Variants in DPP10 observed in about 807,000 individuals in gnomAD.
DPP10 encodes the protein dipeptidyl peptidase like 10.
DPP10 carries 33 observed loss-of-function variants against 120.9 expected under a neutral mutation model. The ratio of observed to expected loss-of-function variants is 0.27; its 90% CI spans 0.21 to 0.37. The LOEUF (loss-of-function observed/expected upper bound fraction) is 0.37, where lower values mean the gene tolerates loss of function less well. Among genes scored for constraint, DPP10 ranks in the 10% least tolerant of loss-of-function variants. The pLI, the probability that DPP10 is intolerant of heterozygous loss-of-function variation, is 1.00. For synonymous variants in DPP10, 337 were observed against 326.1 expected (o/e 1.03, Z -0.36); for missense variants, 816 against 942.8 (o/e 0.87, Z 1.76).
At chr2:115,257,769 T>G (rs1342413906) in intron 1 of DPP10, among the ~76,000 whole-genome samples, 1 of 152,196 alleles carries the variant, frequency 6.6e-6, no homozygotes, top group East Asian at 1.9e-4. Flanking sequence ...TGGTCTACAT[T>G]AGTCCATTCA....
chr2:115,271,342 A>G (rs1240354942), intron 1 of DPP10, among the ~76,000 whole-genome samples: 1 of 152,216 alleles, frequency 6.6e-6, no homozygotes, highest in Non-Finnish European at 1.5e-5. Flanking sequence ...TTTGAAGAGT[A>G]TATTCTTTAT....
At chr2:115,291,965 G>C (rs1430455912) in intron 1 of DPP10, among the ~76,000 whole-genome samples, 1 of 152,088 alleles carries the variant, frequency 6.6e-6, no homozygotes, top group Non-Finnish European at 1.5e-5. Context: ...GAGAAACCCA[G>C]AACTGGAAAG....
At chr2:114,847,074 T>C (rs1458423797) in intron 1 of DPP10, among the ~76,000 whole-genome samples, 3 of 152,100 alleles carry the variant, frequency 2.0e-5, no homozygotes, top group African/African-American at 4.8e-5. Flanking sequence ...TATCATATCA[T>C]ATCATATCCT....
At chr2:115,224,070 C>T (rs1423923234) in intron 1 of DPP10, among the ~76,000 whole-genome samples, 2 of 152,040 alleles carry the variant, frequency 1.3e-5, no homozygotes, top group South Asian at 2.1e-4. Context: ...TCAAAGTAGT[C>T]CTGCTTTGAG....
At chr2:115,745,005 G>A (rs1677772048) in intron 9 of DPP10, among the ~76,000 whole-genome samples, 1 of 149,928 alleles carries the variant, frequency 6.7e-6, no homozygotes, top group South Asian at 2.1e-4. Context: ...AAACTTAATG[G>A]CATATTAAGT....
intron 1 of DPP10, among the ~76,000 whole-genome samples, chr2:114,951,684 A>C (rs72832490): frequency 3.9e-5 from 6 of 152,146 alleles, no homozygotes; most frequent in Non-Finnish European, 5.9e-5. Flanking sequence ...TCTTTTATCA[A>C]ATCTTATCTG....
chr2:114,786,929 T>C (rs976254793), intron 1 of DPP10, among the ~76,000 whole-genome samples: 5 of 152,236 alleles, frequency 3.3e-5, no homozygotes, highest in Admixed American at 6.5e-5. Context: ...CCTCCCCTGG[T>C]GTCCACGGTG....
chr2:114,937,620 G>A (rs1396802463), intron 1 of DPP10, among the ~76,000 whole-genome samples: 1 of 152,064 alleles, frequency 6.6e-6, no homozygotes, highest in Non-Finnish European at 1.5e-5. Flanking sequence ...GTCTTGTGCC[G>A]GTCTTTAGCT....
intron 5 of DPP10, among the ~76,000 whole-genome samples, chr2:115,549,311 G>A (rs1385910353): frequency 6.6e-6 from 1 of 152,058 alleles, no homozygotes; most frequent in Non-Finnish European, 1.5e-5. Flanking sequence ...TACCCCAACT[G>A]TGTGTGATCA....
intron 2 of DPP10, among the ~76,000 whole-genome samples, chr2:115,316,027 T>G (rs1160536804): frequency 1.3e-5 from 2 of 152,236 alleles, no homozygotes; most frequent in African/African-American, 4.8e-5. Flanking sequence ...TCCAGTCAGA[T>G]AAATGATGAA....
chr2:115,590,852 T>C (rs1282860523), intron 5 of DPP10, among the ~76,000 whole-genome samples: 1 of 152,236 alleles, frequency 6.6e-6, no homozygotes, highest in Non-Finnish European at 1.5e-5. Flanking sequence ...TTTTTAATGA[T>C]CGCCATTCTA....
intron 1 of DPP10, among the ~76,000 whole-genome samples, chr2:115,269,977 G>T (rs1447319248): frequency 2.0e-5 from 3 of 151,956 alleles, no homozygotes; most frequent in Non-Finnish European, 2.9e-5. Flanking sequence ...TTATTTGGCT[G>T]TGGGTATTTA....
At chr2:115,235,005 T>C (rs2057925105) in intron 1 of DPP10, among the ~76,000 whole-genome samples, 1 of 152,230 alleles carries the variant, frequency 6.6e-6, no homozygotes, top group Non-Finnish European at 1.5e-5. Flanking sequence ...CTTTAGACTC[T>C]ATTAACTTTT....
intron 4 of DPP10, among the ~76,000 whole-genome samples, chr2:115,523,654 T>C (rs1297622769): frequency 6.6e-6 from 1 of 152,130 alleles, no homozygotes; most frequent in Non-Finnish European, 1.5e-5. Flanking sequence ...CTCCTGATAC[T>C]ATAATGTTGG....
intron 1 of DPP10, among the ~76,000 whole-genome samples, chr2:114,931,319 A>G (rs1348751629): frequency 1.3e-5 from 2 of 151,992 alleles, no homozygotes; most frequent in Admixed American, 1.3e-4. Flanking sequence ...TAGCATCTGC[A>G]TCTGGGGAGG....
intron 1 of DPP10, among the ~76,000 whole-genome samples, chr2:114,723,445 A>G (rs944012138): frequency 6.6e-6 from 1 of 152,230 alleles, no homozygotes; most frequent in African/African-American, 2.4e-5. Context: ...TTTGTGGACC[A>G]AGGTTAGGCA....
intron 1 of DPP10, among the ~76,000 whole-genome samples, chr2:114,630,925 T>C (rs1440954514): frequency 6.6e-6 from 1 of 152,060 alleles, no homozygotes. Context: ...CTGGAACATT[T>C]GATATGTGTC....
chr2:114,547,007 G>C (rs896932577), intron 1 of DPP10, among the ~76,000 whole-genome samples: 1 of 152,162 alleles, frequency 6.6e-6, no homozygotes, highest in Non-Finnish European at 1.5e-5. Flanking sequence ...TGTGGTAAAA[G>C]CATGGATTTT....
At chr2:115,817,522 A>G (rs765791991) in intron 21 of DPP10, among the ~76,000 whole-genome samples, 10 of 152,216 alleles carry the variant, frequency 6.6e-5, no homozygotes, top group Admixed American at 3.3e-4. Flanking sequence ...CTCCACTTCA[A>G]ACATCTGCAG....
Sources: gnomAD v4.1 joint callset for allele counts (sites outside exome capture counted in the v4.1 genomes callset) on GRCh38, gnomAD v4.1.1 for gene constraint, MANE v1.5 for transcripts, NCBI Gene and HGNC (gene_info 2026-07-23, HGNC 2026-07-21) for gene names.